Variants in MAP3K8 observed in about 807,000 individuals in gnomAD.
The protein encoded by MAP3K8 is Ewing sarcoma transformant.
A neutral mutation model predicts 45.8 loss-of-function variants in MAP3K8; 22 were observed. The ratio of observed to expected loss-of-function variants is 0.48; its 90% CI spans 0.34 to 0.69. The LOEUF is 0.69. MAP3K8 is among the 30% of genes least tolerant of loss of function. The pLI, the probability that MAP3K8 is intolerant of heterozygous loss-of-function variation, is 0.01. For synonymous variants in MAP3K8, 223 were observed against 214.3 expected (o/e 1.04, Z -0.36); for missense variants, 419 against 585.0 (o/e 0.72, Z 2.93).
At chr10:30,449,384 A>C (rs572039517) in intron 4 of MAP3K8, among the ~76,000 whole-genome samples, 1 of 152,264 alleles carries the variant, frequency 6.6e-6, no homozygotes, top group Admixed American at 6.5e-5. Context: ...ACCTGGGATT[A>C]CAGGCACTCA....
chr10:30,439,295 T>C, intron 3 of MAP3K8, 21 bp downstream of exon 3: 1 of 1,613,590 alleles, frequency 6.2e-7, no homozygotes, highest in Non-Finnish European at 8.5e-7. Flanking sequence ...TTCCGATCAG[T>C]TGGGTGCTAT....
Position 30,437,298 on chromosome 10 carries a change from A to C in MAP3K8, c.-132A>C, listed in dbSNP as rs1007121430. ...GTCTGACTCAGTACTTTTCTCACTCATGCATACAAAGCAGCTAAAAATGAC... is the reference window on the plus strand; with the variant it reads ...GTCTGACTCAGTACTTTTCTCACTCCTGCATACAAAGCAGCTAAAAATGAC... On this transcript the variant is annotated 5_prime_UTR_variant, in exon 2 of 9. The change abolishes an upstream ATG in the 5' untranslated region. Coordinates refer to ENST00000263056, the MANE Select transcript of MAP3K8 (RefSeq NM_005204.4). The C allele has an allele frequency of 1.0e-6, 1 of 985,432 alleles. No individual in the cohort carries two copies. The highest frequency in any genetic ancestry group is 1.2e-6 in the Non-Finnish European group (1 of 829,928). The allele number at this position is 985,432 out of a possible 1,614,324, so 61.0% of individuals were successfully genotyped here. A position where few individuals can be genotyped will look rare whatever the true frequency, so the allele number is the denominator to read the frequency against.
chr10:30,439,850 TA>T (rs1050385807), intron 3 of MAP3K8, among the ~76,000 whole-genome samples: 4 of 152,214 alleles, frequency 2.6e-5, no homozygotes, highest in African/African-American at 7.2e-5. Context: ...AACAGTTCAC[TA>T]AAAAGTTTAT....
intron 1 of MAP3K8, chr10:30,434,800 T>G: frequency 1.0e-6 from 1 of 983,708 alleles, no homozygotes; most frequent in Non-Finnish European, 1.2e-6. Flanking sequence ...TGCTGGGTGC[T>G]TTGATAATTT....
At chr10:30,450,839 T>C (rs1836512864) in intron 5 of MAP3K8, among the ~76,000 whole-genome samples, 1 of 151,544 alleles carries the variant, frequency 6.6e-6, no homozygotes, top group Non-Finnish European at 1.5e-5. Context: ...CTCAGCACTT[T>C]GGGATGCTGT....
intron 3 of MAP3K8, among the ~76,000 whole-genome samples, chr10:30,444,591 T>C (rs963205540): frequency 2.6e-5 from 4 of 152,122 alleles, no homozygotes; most frequent in African/African-American, 9.7e-5. Flanking sequence ...GGGCCCATCA[T>C]GAAAAGAGCC....
chr10:30,448,006 T>C (rs901821546), intron 4 of MAP3K8, 57 bp downstream of exon 4: 17 of 1,514,314 alleles, frequency 1.1e-5, no homozygotes, highest in Non-Finnish European at 1.4e-5. Flanking sequence ...TGGCTTTTGT[T>C]TTTTTGTCCA....
chr10:30,444,782 T>C (rs1407489198), intron 3 of MAP3K8, among the ~76,000 whole-genome samples: 2 of 152,236 alleles, frequency 1.3e-5, no homozygotes, highest in East Asian at 1.9e-4. Context: ...ATTTAATAAC[T>C]GGGTTTTCAT....
In MAP3K8 at chr10:30,440,547, A is replaced by G. The variant is rs377085501; in HGVS notation, c.336+1273A>G. ...ACAATGGAGCAAGATAATATTTTGC[A>G]TTGTTGTGTGACTGCTTTGGTCTGG... On this transcript the variant is annotated intron_variant, in intron 3 of 8. Coordinates refer to ENST00000263056, the MANE Select transcript of MAP3K8 (RefSeq NM_005204.4). Among the ~76,000 whole-genome samples the G allele has an allele frequency of 3.7e-4, 56 of 152,330 alleles. No homozygotes were observed. In the East Asian group the frequency reaches 7.5e-3, roughly 20 times the overall value.
At chr10:30,449,134 C>T (rs564035006) in intron 4 of MAP3K8, among the ~76,000 whole-genome samples, 139 of 152,306 alleles carry the variant, frequency 9.1e-4, no homozygotes, top group African/African-American at 2.6e-3. Context: ...ACAGGCAAAA[C>T]AAAATCTGTG....
In MAP3K8 at chr10:30,461,455, C is replaced by G. The variant is rs1286661240; in HGVS notation, c.*619C>G. On this transcript the variant is annotated 3_prime_UTR_variant, in exon 9 of 9. Transcript: ENST00000263056. ...TGTGTTCCTATGGAAACATTTTATA[C>G]TGTACATGCTATGCTGAAGACATTC... is the stretch of plus-strand genomic sequence containing the variant. The G allele has an allele frequency of 5.0e-6, 1 of 198,840 alleles. No individual in the cohort carries two copies. Among genetic ancestry groups the G allele is most frequent in the Admixed American group, 6.0e-5 (1 of 16,550 alleles). 12.3% of individuals were successfully genotyped at this position (198,840 alleles called of 1,614,324 possible). A position where few individuals can be genotyped will look rare whatever the true frequency, so the allele number is the denominator to read the frequency against.
Position 30,450,294 on chromosome 10 carries a change from A to G in MAP3K8, c.541A>G (p.Ile181Val). ...TCAATTTAAGCCATCTGATGTGGAA[A>G]TCCAGGCTTGCTTCCGGCACGAGAA... ...VDQFKPSDVE[I>V]QACFRHENIA... The change falls in exon 5 of 9, where the codon ATC becomes GTC. Residue 181 changes from isoleucine to valine, a missense_variant. Around this residue, in one of 3 missense-constraint regions of MAP3K8, gnomAD observed 209 missense variants for 367.3 expected, o/e 0.57. Coordinates refer to ENST00000263056, the MANE Select transcript of MAP3K8 (RefSeq NM_005204.4). The G allele has an allele frequency of 1.2e-6, 2 of 1,610,330 alleles. No individual in the cohort carries two copies. Among genetic ancestry groups the G allele is most frequent in the Non-Finnish European group, 1.7e-6 (2 of 1,177,082 alleles).
chr10:30,459,918 C>G (rs1222365474), intron 8 of MAP3K8, among the ~76,000 whole-genome samples: 1 of 151,998 alleles, frequency 6.6e-6, no homozygotes, highest in East Asian at 1.9e-4. Flanking sequence ...TCTTGGGTCA[C>G]TGCAACCTCT....
chr10:30,458,565 G>A (rs1836828242), intron 7 of MAP3K8, among the ~76,000 whole-genome samples: 1 of 152,352 alleles, frequency 6.6e-6, no homozygotes, highest in Admixed American at 6.5e-5. Flanking sequence ...TCTTTGAACA[G>A]TTAAAACATT....
At chr10:30,450,683 G>T (rs1318850355) in intron 5 of MAP3K8, 164 bp downstream of exon 5, 2 of 623,844 alleles carry the variant, frequency 3.2e-6, no homozygotes. Flanking sequence ...AATCATGCGG[G>T]GTTACTAGAG....
rs549089186 is a variant in MAP3K8 at position 30,434,251 on chromosome 10, C to T, written c.-382C>T. The T allele has an allele frequency of 1.2e-3, 196 of 162,514 alleles. No individual in the cohort carries two copies. Among genetic ancestry groups the T allele is most frequent in the African/African-American group, 4.4e-3 (183 of 41,766 alleles). 10.1% of individuals were successfully genotyped at this position (162,514 alleles called of 1,614,324 possible). A position where few individuals can be genotyped will look rare whatever the true frequency, so the allele number is the denominator to read the frequency against. ...CCGGCGCCCTGGTTCCTGCTTCTGC[C>T]GCTGCCGCCGCCGGATCCCAGTGGC... On this transcript the variant is annotated 5_prime_UTR_variant, in exon 1 of 9. Transcript: ENST00000263056.
intron 3 of MAP3K8, among the ~76,000 whole-genome samples, chr10:30,440,489 T>C (rs1328074148): frequency 6.6e-6 from 1 of 152,210 alleles, no homozygotes; most frequent in African/African-American, 2.4e-5. Flanking sequence ...GTGAATTGTT[T>C]TGTCAGAAGC....
At chr10:30,445,031 G>C (rs968873668) in intron 3 of MAP3K8, among the ~76,000 whole-genome samples, 2 of 152,180 alleles carry the variant, frequency 1.3e-5, no homozygotes, top group Admixed American at 6.5e-5. Flanking sequence ...GCACATTGCT[G>C]TACTTAGAAC....
chr10:30,437,040 A>G (rs1037176793), intron 1 of MAP3K8, 136 bp from the exon 2 acceptor site: 6 of 269,344 alleles, frequency 2.2e-5, no homozygotes, highest in African/African-American at 4.6e-5. Flanking sequence ...CTGAATCACA[A>G]TCTCCCTCGA....
Sources: gnomAD v4.1 joint callset for allele counts (sites outside exome capture counted in the v4.1 genomes callset) on GRCh38, gnomAD v4.1.1 for gene constraint, gnomAD v4.1.1 regional missense constraint, MANE v1.5 for transcripts, NCBI Gene and HGNC (gene_info 2026-07-23, HGNC 2026-07-21) for gene names.